The following WDR81 variants were observed in gnomAD, a reference collection of about 807,000 sequenced individuals.
WDR81 encodes WD repeat domain 81, also known as WD repeat-containing protein 81.
WDR81 carries 92 observed loss-of-function variants against 140.8 expected under a neutral mutation model. The ratio of observed to expected loss-of-function variants is 0.65; its 90% CI spans 0.55 to 0.78. The LOEUF (loss-of-function observed/expected upper bound fraction) is 0.78, where lower values mean the gene tolerates loss of function less well. Among genes scored for constraint, WDR81 ranks in the 30% least tolerant of loss-of-function variants. The pLI, the probability that WDR81 is intolerant of heterozygous loss-of-function variation, is 0.00. For missense variants in WDR81, 2,502 were observed against 2,636.4 expected, an observed-to-expected ratio of 0.95 and a Z score of 1.12; for synonymous variants, 1,183 against 1,156.4, an observed-to-expected ratio of 1.02 and a Z score of -0.47.
chr17:1,716,921 C>A (rs1914598307), intron 1 of WDR81: 1 of 540,540 alleles, frequency 1.9e-6, no homozygotes, highest in Non-Finnish European at 3.3e-6. Context: ...CTCCTGGGGG[C>A]TCTTCCTAAC....
chr17:1,731,000 G>A (rs546350455), intron 3 of WDR81, 55 bp downstream of exon 3: 77 of 1,604,932 alleles, frequency 4.8e-5, no homozygotes, highest in South Asian at 4.4e-4. Context: ...CCTGAGGGCC[G>A]GCCCGGGCTC....
upstream of WDR81, among the ~76,000 whole-genome samples, chr17:1,722,892 C>A (rs972727560): frequency 1.5e-4 from 23 of 151,344 alleles, no homozygotes; most frequent in African/African-American, 5.6e-4. Context: ...ATGGAGTTTC[C>A]CCAAGTTGGC....
At position 1,732,768 on chromosome 17, in the gene WDR81, C is replaced by A. The variant is rs767367919; in HGVS notation, c.4426C>A (p.Leu1476Met). ...CGTGGACCCCGCCCTGCTGGACGAG[C>A]TGCAGAAGGTGTTCACCCTGGAGAT... ...RPVDPALLDELQKVFTLEMAY... is the reference protein window; with the variant it reads ...RPVDPALLDEMQKVFTLEMAY... Residue 1476 changes from leucine to methionine, a missense_variant, in exon 6 of 10, where the codon CTG becomes ATG. Around this residue, in one of 3 missense-constraint regions of WDR81, gnomAD observed 1,737 missense variants for 1,843.0 expected, o/e 0.94. Coordinates refer to ENST00000409644, the MANE Select transcript of WDR81 (RefSeq NM_001163809.2). 6.2e-7 allele frequency: 1 copy of A among 1,613,030 alleles called. No individual in the cohort carries two copies. Among genetic ancestry groups the A allele is most frequent in the African/African-American group, 1.3e-5 (1 of 74,934 alleles).
In WDR81 at chr17:1,735,510, A is replaced by C. The variant is rs1402652213; in HGVS notation, c.5180-62A>C. ...GTGTGCGGTGAGTTGGGGGATTAGA[A>C]GCTCCCAGGGCTCTTCCGTCAGCTG... On this transcript the variant is annotated intron_variant, in intron 7 of 9. Transcript: ENST00000409644. This position sits in a 1 kb window ranked among gnomAD's most constrained non-coding sequence, Gnocchi z 4.2. 21 of 1,477,986 alleles carry C rather than the reference A, an allele frequency of 1.4e-5. No individual in the cohort carries two copies. The East Asian group carries it at 4.8e-4, about 34-fold the overall frequency. The allele number at this position is 1,477,986 out of a possible 1,614,324, so 91.6% of individuals were successfully genotyped here.
rs780113655 is a variant in WDR81, at chr17:1,727,646, C to T, written c.2687C>T (p.Ala896Val). 1 of 1,550,490 alleles carries T rather than the reference C, an allele frequency of 6.4e-7. No homozygotes were observed. The highest frequency in any genetic ancestry group is 1.2e-5 in the South Asian group (1 of 84,060). The change falls in exon 1 of 10, where the codon GCC (alanine) becomes GTC (valine). Residue 896 changes from alanine (A) to valine (V), a missense_variant. Transcript: ENST00000409644. Reference sequence around the variant, plus strand: ...CAGGCAAGGCGTGTGGAGGACGAGGCCCAGGGGCGCGAGCTGGTGTTTGCT... The same window carrying T: ...CAGGCAAGGCGTGTGGAGGACGAGGTCCAGGGGCGCGAGCTGGTGTTTGCT... ...LYQARRVEDEAQGRELVFALW... is the reference protein window; with the variant it reads ...LYQARRVEDEVQGRELVFALW...
upstream of WDR81, among the ~76,000 whole-genome samples, chr17:1,722,318 C>A (rs186864320): frequency 3.8e-4 from 57 of 151,336 alleles, no homozygotes; most frequent in Admixed American, 1.8e-3. Flanking sequence ...GAAATCAGAT[C>A]ATGGCTGAGA....
In WDR81 at chr17:1,726,447, C is replaced by T. The variant is rs2151162548; in HGVS notation, c.1488C>T (p.Tyr496=). ...WTPDECIPEF[Y]TDPSIFRSIH... is the part of the protein sequence containing the mutation. ...CGGATGAGTGCATTCCGGAGTTCTA[C>T]ACCGATCCCTCTATCTTCCGCTCCA... Residue 496 remains tyrosine (Y), a synonymous_variant, in exon 1 of 10, where the codon TAC becomes TAT. Coordinates refer to ENST00000409644, the MANE Select transcript of WDR81 (RefSeq NM_001163809.2). The T allele has an allele frequency of 6.4e-7, 1 of 1,550,488 alleles. No homozygotes were observed. Among genetic ancestry groups the T allele is most frequent in the Non-Finnish European group, 8.7e-7 (1 of 1,147,002 alleles).
chr17:1,731,926 CAA>C lies in WDR81; in HGVS notation c.4158-386_4158-385del, dbSNP rs71375531. ...TAGGCGACAGAGCAAGACTCTGTCT[CAA>C]AAAAAAAAAAAAGTATATATATATG... On this transcript the variant is annotated intron_variant, in intron 4 of 9. Coordinates refer to ENST00000409644, the MANE Select transcript of WDR81 (RefSeq NM_001163809.2). Among the ~76,000 whole-genome samples the C allele has an allele frequency of 3.1e-3, 400 of 129,752 alleles. 2 individuals are homozygous for C. Among genetic ancestry groups the C allele is most frequent in the South Asian group, 6.4e-3 (25 of 3,908 alleles). The allele number at this position is 129,752 out of a possible 152,430, so 85.1% of individuals were successfully genotyped here.
Position 1,730,501 on chromosome 17 carries a change from C to T in WDR81, c.3775+14C>T, listed in dbSNP as rs761622017. On this transcript the variant is annotated intron_variant, in intron 2 of 9. Coordinates refer to ENST00000409644, the MANE Select transcript of WDR81 (RefSeq NM_001163809.2). Reference sequence around the variant, plus strand: ...CTTGTTATGTTGGTAAGGAGGCCTGCGGTCAGTGCTGGAGATGAGGCTTTC... The same window carrying T: ...CTTGTTATGTTGGTAAGGAGGCCTGTGGTCAGTGCTGGAGATGAGGCTTTC... 2.4e-5 allele frequency: 38 copies of T among 1,608,532 alleles called. No individual in the cohort carries two copies. In the Middle Eastern group the frequency reaches 2.8e-3, roughly 119 times the overall value.
At position 1,733,621 on chromosome 17, in the gene WDR81, T is replaced by G; in HGVS notation, c.4584T>G (p.Pro1528=). 1 of 1,593,476 alleles carries G rather than the reference T, an allele frequency of 6.3e-7. No homozygotes were observed. The highest frequency in any genetic ancestry group is 1.1e-5 in the South Asian group (1 of 88,836). Residue 1528 remains proline (P), a synonymous_variant, in exon 7 of 10, where the codon CCT becomes CCG. Transcript: ENST00000409644. ...LESISPSSRN[P]ASVEPTMPGT... is the part of the protein sequence containing the mutation. ...GCATCAGCCCCAGCAGTCGCAACCCTGCCAGCGTGGAGCCCACCATGCCCG... is the reference window on the plus strand; with the variant it reads ...GCATCAGCCCCAGCAGTCGCAACCCGGCCAGCGTGGAGCCCACCATGCCCG...
rs1318723928 is a variant in WDR81, at chr17:1,726,338, G to A, written c.1379G>A (p.Arg460Gln). Residue 460 changes from arginine (R) to glutamine (Q), a missense_variant, in exon 1 of 10, where the codon CGG becomes CAG. Transcript: ENST00000409644. ...YYVYKARRTP[R>Q]SVLCGHVRAQ... ...GTGTACAAGGCTCGGCGCACGCCTC[G>A]GTCGGTGCTCTGCGGACACGTCCGC... 2 of 1,544,826 alleles carry A rather than the reference G, an allele frequency of 1.3e-6. No homozygotes were observed. Among genetic ancestry groups the A allele is most frequent in the Admixed American group, 2.0e-5 (1 of 50,802 alleles).
Position 1,726,538 on chromosome 17 carries a change from G to A in WDR81, c.1579G>A (p.Ala527Thr). The A allele has an allele frequency of 1.3e-6, 2 of 1,550,400 alleles. No individual in the cohort carries two copies. Among genetic ancestry groups the A allele is most frequent in the South Asian group, 2.4e-5 (2 of 84,058 alleles). Residue 527 changes from alanine to threonine, a missense_variant, in exon 1 of 10, where the codon GCC (alanine) becomes ACC (threonine). By Grantham distance (58) the Ala-to-Thr change is moderately conservative (BLOSUM62 0). Transcript: ENST00000409644. Reference protein sequence around the residue: ...WCSSSQEFVAAHRALLESREV... With the variant: ...WCSSSQEFVATHRALLESREV... Reference sequence around the variant, plus strand: ...CAGCTCCAGCCAGGAGTTCGTAGCTGCCCACCGAGCCCTGCTGGAGAGCCG... The same window carrying A: ...CAGCTCCAGCCAGGAGTTCGTAGCTACCCACCGAGCCCTGCTGGAGAGCCG...
chr17:1,721,304 A>G (rs1024465015), upstream of WDR81, among the ~76,000 whole-genome samples: 2 of 151,900 alleles, frequency 1.3e-5, no homozygotes, highest in Non-Finnish European at 1.5e-5. Context: ...GGTTGTGGTG[A>G]GTCAAGATGG....
rs551906844 is a variant in WDR81, at chr17:1,733,525, A to G, written c.4490-2A>G. ...CTCAGGACCTCTCCCACTCCTATCC[A>G]GGTGACATCATCCGGAAAATCATCC... On this transcript the variant is annotated splice_acceptor_variant, in intron 6 of 9. Coordinates refer to ENST00000409644, the MANE Select transcript of WDR81 (RefSeq NM_001163809.2). LOFTEE classifies it high-confidence loss of function. The G allele has an allele frequency of 2.6e-6, 4 of 1,515,714 alleles. No individual in the cohort carries two copies. Among genetic ancestry groups the G allele is most frequent in the Admixed American group, 2.3e-5 (1 of 44,342 alleles). The allele number at this position is 1,515,714 out of a possible 1,614,324, so 93.9% of individuals were successfully genotyped here. A position where few individuals can be genotyped will look rare whatever the true frequency, so the allele number is the denominator to read the frequency against.
Position 1,737,432 on chromosome 17 carries a change from A to T in WDR81, c.5573A>T (p.Glu1858Val), listed in dbSNP as rs767938941. The T allele has an allele frequency of 6.2e-7, 1 of 1,612,782 alleles. No homozygotes were observed. Among genetic ancestry groups the T allele is most frequent in the Admixed American group, 1.7e-5 (1 of 59,984 alleles). Residue 1858 changes from glutamate (E) to valine (V), a missense_variant, in exon 10 of 10, where the codon GAG (glutamate) becomes GTG (valine). By Grantham distance (121) the Glu-to-Val change is moderately radical. Around this residue, in one of 3 missense-constraint regions of WDR81, gnomAD observed 1,737 missense variants for 1,843.0 expected, o/e 0.94. Coordinates refer to ENST00000409644, the MANE Select transcript of WDR81 (RefSeq NM_001163809.2). ...DHSLTVWKEL[E>V]QKPTHHYKSA... The stretch of plus-strand genomic sequence containing the variant: ...TCCTTGACCGTCTGGAAGGAGCTGG[A>T]GCAGAAGCCCACCCATCACTACAAG...
upstream of WDR81, among the ~76,000 whole-genome samples, chr17:1,720,746 CAG>C (rs376830960): frequency 6.6e-4 from 96 of 146,098 alleles, no homozygotes; most frequent in African/African-American, 2.4e-3. Flanking sequence ...GCCTGGGCGA[CAG>C]AGTCAGACTC....
At position 1,738,099 on chromosome 17, in the gene WDR81, G is replaced by C. The variant is rs1597309580; in HGVS notation, c.*414G>C. The C allele has an allele frequency of 4.4e-6, 1 of 227,762 alleles. No individual in the cohort carries two copies. The highest frequency in any genetic ancestry group is 8.7e-6 in the Non-Finnish European group (1 of 114,802). The allele number at this position is 227,762 out of a possible 1,614,324, so 14.1% of individuals were successfully genotyped here. The stretch of plus-strand genomic sequence containing the variant: ...GGGCACTCTCTGTCCCATCCCTCTA[G>C]GACAGGGAAGCTGGCCTGGTCCAGG... On this transcript the variant is annotated 3_prime_UTR_variant, in exon 10 of 10. Coordinates refer to ENST00000409644, the MANE Select transcript of WDR81 (RefSeq NM_001163809.2).
rs144638864 is a variant in WDR81, at chr17:1,737,732, C to T, written c.*47C>T. On this transcript the variant is annotated 3_prime_UTR_variant, in exon 10 of 10. Coordinates refer to ENST00000409644, the MANE Select transcript of WDR81 (RefSeq NM_001163809.2). ...GCAAGGGTGGGAAGACATCTGCGGG[C>T]GCGTGTCCACTCACCCTGTTCCCTG... 3.1e-3 allele frequency: 4,717 copies of T among 1,543,200 alleles called. 13 individuals carry two copies. The highest frequency in any genetic ancestry group is 3.8e-3 in the Non-Finnish European group (4,397 of 1,148,260).
Position 1,737,518 on chromosome 17 carries a change from G to A in WDR81, c.5659G>A (p.Val1887Met), listed in dbSNP as rs200284291. 37 of 1,612,996 alleles carry A rather than the reference G, an allele frequency of 2.3e-5. No homozygotes were observed. The highest frequency in any genetic ancestry group is 5.0e-5 in the Admixed American group (3 of 60,002). Residue 1887 changes from valine (V) to methionine (M), a missense_variant, in exon 10 of 10, where the codon GTG becomes ATG. Val to Met is a conservative substitution (Grantham distance 21). Transcript: ENST00000409644. Reference sequence around the variant, plus strand: ...CGGCAGCGAGGTGGTCACTGGCACCGTGTCCAACAAGATTGGCGTCTGCTC... The same window carrying A: ...CGGCAGCGAGGTGGTCACTGGCACCATGTCCAACAAGATTGGCGTCTGCTC... Reference protein sequence around the residue: ...LYGSEVVTGTVSNKIGVCSLL... With the variant: ...LYGSEVVTGTMSNKIGVCSLL...
Sources: gnomAD v4.1 joint callset for allele counts (sites outside exome capture counted in the v4.1 genomes callset) on GRCh38, gnomAD v4.1.1 for gene constraint, gnomAD v4.1.1 regional missense constraint, Gnocchi (gnomAD v3.1) non-coding constraint, MANE v1.5 for transcripts, NCBI Gene and HGNC (gene_info 2026-07-23, HGNC 2026-07-21) for gene names.